Variants in NFASC observed in about 807,000 individuals in gnomAD.
NFASC encodes neurofascin homolog.
A neutral mutation model predicts 147.5 loss-of-function variants in NFASC; 43 were observed. The ratio of observed to expected loss-of-function variants is 0.29; its 90% CI spans 0.23 to 0.38. The LOEUF (loss-of-function observed/expected upper bound fraction) is 0.38, where lower values mean the gene tolerates loss of function less well. Among genes scored for constraint, NFASC ranks in the 10% least tolerant of loss-of-function variants. The pLI, the probability that NFASC is intolerant of heterozygous loss-of-function variation, is 1.00. For missense variants in NFASC, 1,320 were observed against 1,689.0 expected (o/e 0.78, Z 3.83); for synonymous variants, 622 against 665.5 (o/e 0.93, Z 1.01).
Position 204,957,842 on chromosome 1 carries a change from T to C in NFASC, c.706+16T>C, listed in dbSNP as rs768473951. The C allele has an allele frequency of 6.2e-7, 1 of 1,613,256 alleles. No homozygotes were observed. The highest frequency in any genetic ancestry group is 8.5e-7 in the Non-Finnish European group (1 of 1,179,270). On this transcript the variant is annotated intron_variant, in intron 8 of 29. Coordinates refer to ENST00000339876, the MANE Select transcript of NFASC (RefSeq NM_001005388.3). ...GTCCTCACCAGTAAGTGAAGGCCCC[T>C]GTCCCGGGGCTGGGGGCCAAAGAAA...
At chr1:204,846,953 G>A (rs1249155236) in intron 1 of NFASC, among the ~76,000 whole-genome samples, 3 of 130,730 alleles carry the variant, frequency 2.3e-5, no homozygotes, top group Non-Finnish European at 4.8e-5. Flanking sequence ...GTGTGTACGC[G>A]TGTGTGTGTG....
intron 1 of NFASC, among the ~76,000 whole-genome samples, chr1:204,882,962 C>T (rs1322674): frequency 0.025 from 3,842 of 151,992 alleles, 135 homozygotes; most frequent in African/African-American, 0.075. Context: ...CTTTGGAATA[C>T]GCCTACATAT....
At chr1:204,856,762 C>T (rs2076194484) in intron 1 of NFASC, among the ~76,000 whole-genome samples, 1 of 152,208 alleles carries the variant, frequency 6.6e-6, no homozygotes, top group Non-Finnish European at 1.5e-5. Context: ...TTAAAGAAAT[C>T]ATACAATATG....
At chr1:204,896,695 G>T (rs1262038387) in intron 1 of NFASC, among the ~76,000 whole-genome samples, 1 of 152,164 alleles carries the variant, frequency 6.6e-6, no homozygotes, top group East Asian at 1.9e-4. Flanking sequence ...ACTATTTGTG[G>T]CAGCAAAGAA....
At chr1:204,862,621 G>GT (rs2076767106) in intron 1 of NFASC, among the ~76,000 whole-genome samples, 1 of 152,214 alleles carries the variant, frequency 6.6e-6, no homozygotes, top group African/African-American at 2.4e-5. Flanking sequence ...ACACAAAATA[G>GT]TATTACCCAG....
intron 1 of NFASC, among the ~76,000 whole-genome samples, chr1:204,876,348 A>T (rs1359866759): frequency 6.6e-6 from 1 of 152,104 alleles, no homozygotes; most frequent in African/African-American, 2.4e-5. Context: ...TTTCAGCTCT[A>T]GGGAAAAAAA....
At chr1:204,984,343 G>GTATATATATATATA (rs1292457725) in intron 21 of NFASC, 2 of 327,434 alleles carry the variant, frequency 6.1e-6, no homozygotes, top group African/African-American at 5.2e-5. Flanking sequence ...GTGTGTGTGT[G>GTATATATATATATA]TGTATATATA....
At chr1:204,982,996 G>A (rs2095538683) in intron 21 of NFASC, among the ~76,000 whole-genome samples, 1 of 152,234 alleles carries the variant, frequency 6.6e-6, no homozygotes, top group Non-Finnish European at 1.5e-5. Flanking sequence ...TGAGCAGAGA[G>A]GGTCAGCAGG....
At chr1:204,830,137 C>T (rs553212582) in intron 1 of NFASC, among the ~76,000 whole-genome samples, 3 of 151,896 alleles carry the variant, frequency 2.0e-5, no homozygotes, top group South Asian at 2.1e-4. Context: ...GGGCCTAGTG[C>T]GTCTCATCTA....
chr1:204,990,204 C>T (rs979573461), intron 23 of NFASC: 2 of 152,280 alleles, frequency 1.3e-5, no homozygotes, highest in East Asian at 1.9e-4. Context: ...ACCAGCTCTC[C>T]CTCCTGCTGT....
chr1:205,009,719 G>C (rs1238485562), intron 28 of NFASC, 31 bp downstream of exon 28: 1 of 1,605,368 alleles, frequency 6.2e-7, no homozygotes, highest in Non-Finnish European at 8.5e-7. Context: ...GGGCTTGCAG[G>C]GTGGGGCACG....
intron 3 of NFASC, chr1:204,946,991 C>A: frequency 2.8e-6 from 1 of 357,410 alleles, no homozygotes. Flanking sequence ...CCTGGGGCAC[C>A]TGTCTCATAA....
chr1:204,862,301 G>T (rs776834257), intron 1 of NFASC, among the ~76,000 whole-genome samples: 3 of 152,224 alleles, frequency 2.0e-5, no homozygotes, highest in Non-Finnish European at 4.4e-5. Flanking sequence ...AGAATATACT[G>T]TAGGCTTGAA....
In NFASC at chr1:204,954,135, GC is replaced by G. The variant is rs1353251038; in HGVS notation, c.216-50del. On this transcript the variant is annotated intron_variant, in intron 5 of 29. Coordinates refer to ENST00000339876, the MANE Select transcript of NFASC (RefSeq NM_001005388.3). The surrounding 1 kb of genome is among the most constrained non-coding windows in gnomAD (Gnocchi z 5.7). Reference sequence around the variant, plus strand: ...ACTAGGGATCTGAGATCTGCCTGGAGCCCAGAGCCCACCCCATTCGTCTTGG... The same window carrying G: ...ACTAGGGATCTGAGATCTGCCTGGAGCCAGAGCCCACCCCATTCGTCTTGG... The G allele has an allele frequency of 6.5e-7, 1 of 1,541,460 alleles. No homozygotes were observed. Among genetic ancestry groups the G allele is most frequent in the African/African-American group, 1.4e-5 (1 of 73,448 alleles).
At chr1:204,834,682 AGACG>A (rs1366816156) in intron 1 of NFASC, among the ~76,000 whole-genome samples, 1 of 152,212 alleles carries the variant, frequency 6.6e-6, no homozygotes, top group Non-Finnish European at 1.5e-5. Context: ...ATTTAATTAG[AGACG>A]GGCTTGGAGA....
At chr1:204,969,802 G>C (rs2095153568) in intron 10 of NFASC, among the ~76,000 whole-genome samples, 1 of 152,140 alleles carries the variant, frequency 6.6e-6, no homozygotes, top group Admixed American at 6.5e-5. Flanking sequence ...CTCTAGCTGG[G>C]CGTGGTGGCT....
At chr1:204,894,384 T>C (rs1022310533) in intron 1 of NFASC, among the ~76,000 whole-genome samples, 4 of 152,244 alleles carry the variant, frequency 2.6e-5, no homozygotes, top group African/African-American at 9.6e-5. Context: ...TTGTCTTCCA[T>C]ACTCATTTTT....
chr1:204,985,731 A>G (rs925966632), intron 21 of NFASC, among the ~76,000 whole-genome samples: 3 of 152,248 alleles, frequency 2.0e-5, no homozygotes, highest in African/African-American at 7.2e-5. Flanking sequence ...ATTCATGTTC[A>G]GGAGTGGCTA....
intron 2 of NFASC, among the ~76,000 whole-genome samples, chr1:204,938,474 C>A (rs908769208): frequency 2.0e-5 from 3 of 152,136 alleles, no homozygotes; most frequent in African/African-American, 7.2e-5. Flanking sequence ...CTATTGTTAT[C>A]CCCATTTTTC....
Sources: allele counts gnomAD v4.1 joint callset (sites outside exome capture counted in the v4.1 genomes callset), GRCh38; gene constraint gnomAD v4.1.1; non-coding constraint Gnocchi (gnomAD v3.1); transcripts MANE v1.5; gene names NCBI Gene and HGNC (gene_info 2026-07-23, HGNC 2026-07-21).